The following PLCL1 variants were observed in gnomAD, a reference collection of about 807,000 sequenced individuals.
PLCL1 encodes the protein inactive phospholipase C-like protein 1.
PLCL1 carries 41 observed loss-of-function variants against 84.4 expected under a neutral mutation model. That is an observed-to-expected ratio of 0.49 (90% CI 0.38 to 0.63). The LOEUF (loss-of-function observed/expected upper bound fraction) is 0.63. Among genes scored for constraint, PLCL1 ranks in the 30% least tolerant of loss-of-function variants. PLCL1 has a pLI of 0.00. For synonymous variants in PLCL1, 490 were observed against 488.3 expected, an observed-to-expected ratio of 1.00 and a Z score of -0.05; for missense variants, 1,206 against 1,367.8, an observed-to-expected ratio of 0.88 and a Z score of 1.87.
intron 3 of PLCL1, 104 bp downstream of exon 3, chr2:198,089,165 CCT>C: frequency 1.2e-6 from 1 of 807,932 alleles, no homozygotes. Context: ...AGGGTGACTA[CCT>C]TTGAAACATG....
chr2:198,027,076 G>A (rs1039902142), intron 1 of PLCL1, among the ~76,000 whole-genome samples: 1 of 152,136 alleles, frequency 6.6e-6, no homozygotes, highest in African/African-American at 2.4e-5. Flanking sequence ...CGTTCATTAC[G>A]CATTGTCGAC....
intron 1 of PLCL1, among the ~76,000 whole-genome samples, chr2:197,939,605 C>A (rs1000717125): frequency 3.3e-5 from 5 of 151,648 alleles, no homozygotes; most frequent in Non-Finnish European, 7.4e-5. Context: ...TTTATAAGAA[C>A]AACAGTCTTA....
At chr2:198,102,896 A>G (rs934987153) in intron 4 of PLCL1, among the ~76,000 whole-genome samples, 16 of 152,066 alleles carry the variant, frequency 1.1e-4, no homozygotes, top group African/African-American at 3.9e-4. Flanking sequence ...TATGATTTCC[A>G]TCTTTAAGGT....
chr2:198,015,674 C>T (rs1418101968), intron 1 of PLCL1, among the ~76,000 whole-genome samples: 2 of 151,888 alleles, frequency 1.3e-5, no homozygotes, highest in Non-Finnish European at 2.9e-5. Context: ...ACAGACAGCT[C>T]CGAGTTAACA....
chr2:198,012,862 A>G (rs1690904781), intron 1 of PLCL1, among the ~76,000 whole-genome samples: 1 of 152,006 alleles, frequency 6.6e-6, no homozygotes, highest in Non-Finnish European at 1.5e-5. Context: ...CATATATTCT[A>G]TAGATAGTTT....
intron 1 of PLCL1, among the ~76,000 whole-genome samples, chr2:197,938,664 A>G (rs1407247383): frequency 1.3e-5 from 2 of 152,166 alleles, no homozygotes; most frequent in Admixed American, 1.3e-4. Flanking sequence ...AGTCCTTTCA[A>G]GGGGAATACC....
rs1375936536 is a variant in PLCL1, at chr2:198,147,427, C to T, written c.*465C>T. ...TGCCTTTGACATTTAATTTAGTGAT[C>T]TTAGCATAGCTTATTATTGAAGGAA... On this transcript the variant is annotated 3_prime_UTR_variant, in exon 6 of 6. Transcript: ENST00000428675. 6.6e-6 allele frequency: 1 copy of T among 152,228 alleles called. No homozygotes were observed. Among genetic ancestry groups the T allele is most frequent in the African/African-American group, 2.4e-5 (1 of 41,392 alleles). The allele number at this position is 152,228 out of a possible 1,614,324, so 9.4% of individuals were successfully genotyped here. A position where few individuals can be genotyped will look rare whatever the true frequency, so the allele number is the denominator to read the frequency against.
chr2:197,847,643 C>A (rs1687148528), intron 1 of PLCL1, among the ~76,000 whole-genome samples: 2 of 152,156 alleles, frequency 1.3e-5, no homozygotes, highest in Non-Finnish European at 2.9e-5. Flanking sequence ...TTTGGAGGAA[C>A]TGGAATTAAT....
intron 1 of PLCL1, among the ~76,000 whole-genome samples, chr2:197,831,612 G>A (rs1472546976): frequency 1.3e-5 from 2 of 152,054 alleles, no homozygotes; most frequent in South Asian, 2.1e-4. Context: ...ACAGATCAAC[G>A]AGACAGAAAA....
chr2:197,960,607 A>G (rs1404716190), intron 1 of PLCL1, among the ~76,000 whole-genome samples: 4 of 152,136 alleles, frequency 2.6e-5, no homozygotes, highest in Non-Finnish European at 4.4e-5. Flanking sequence ...GACACTGTAT[A>G]GTCTGAAAGC....
intron 1 of PLCL1, among the ~76,000 whole-genome samples, chr2:198,039,955 CTT>C (rs1365922225): frequency 6.6e-6 from 1 of 152,124 alleles, no homozygotes; most frequent in African/African-American, 2.4e-5. Context: ...AAACATATGT[CTT>C]AACCTACATG....
chr2:198,025,288 TATAAG>T (rs1025941445), intron 1 of PLCL1, among the ~76,000 whole-genome samples: 9 of 152,128 alleles, frequency 5.9e-5, no homozygotes, highest in African/African-American at 1.9e-4. Context: ...CACATGCATA[TATAAG>T]ATAATAATAT....
chr2:198,023,024 T>C (rs183262906), intron 1 of PLCL1, among the ~76,000 whole-genome samples: 46 of 152,200 alleles, frequency 3.0e-4, no homozygotes, highest in Middle Eastern at 3.4e-3. Context: ...GTAATCAAAA[T>C]AGCATGGTGC....
intron 1 of PLCL1, among the ~76,000 whole-genome samples, chr2:197,942,105 T>C (rs11679040): frequency 0.43 from 65,814 of 152,002 alleles, 14,611 homozygotes; most frequent in Middle Eastern, 0.57. Flanking sequence ...TTTGTTCTGG[T>C]ATTTACCTCC....
At chr2:198,091,205 T>C (rs1693022498) in intron 3 of PLCL1, among the ~76,000 whole-genome samples, 1 of 152,132 alleles carries the variant, frequency 6.6e-6, no homozygotes, top group African/African-American at 2.4e-5. Flanking sequence ...GAGTATTTAT[T>C]TGGGGGATGG....
intron 1 of PLCL1, among the ~76,000 whole-genome samples, chr2:197,993,752 T>C (rs1241645128): frequency 6.6e-6 from 1 of 152,176 alleles, no homozygotes; most frequent in East Asian, 1.9e-4. Context: ...CTCCCCTTCC[T>C]TGTTCTTGTC....
chr2:198,007,360 T>C (rs937156566), intron 1 of PLCL1, among the ~76,000 whole-genome samples: 3 of 152,140 alleles, frequency 2.0e-5, no homozygotes, highest in Admixed American at 2.0e-4. Flanking sequence ...TTTTATTCAC[T>C]TCTGATAACC....
chr2:198,000,057 T>G (rs1690564784), intron 1 of PLCL1, among the ~76,000 whole-genome samples: 1 of 152,172 alleles, frequency 6.6e-6, no homozygotes, highest in Non-Finnish European at 1.5e-5. Context: ...TCAAATAACC[T>G]CTGACCTCCT....
At chr2:198,088,760 A>G (rs1692946427) in intron 2 of PLCL1, 98 bp from the exon 3 acceptor site, 1 of 795,584 alleles carries the variant, frequency 1.3e-6, no homozygotes, top group Non-Finnish European at 2.3e-6. Context: ...GCCCTCTATT[A>G]TCTTTTAAAA....
Sources: allele counts gnomAD v4.1 joint callset (sites outside exome capture counted in the v4.1 genomes callset), GRCh38; gene constraint gnomAD v4.1.1; transcripts MANE v1.5; gene names NCBI Gene and HGNC (gene_info 2026-07-23, HGNC 2026-07-21).